CUL5: variants seen among roughly 807,000 people sequenced by gnomAD.
CUL5 encodes the protein cullin-5.
Under a neutral mutation model 108.8 loss-of-function variants are expected in CUL5, and 26 were observed. The observed-to-expected ratio is 0.24, with a 90% CI of 0.18 to 0.33. The LOEUF (loss-of-function observed/expected upper bound fraction) is 0.33. Ranked by LOEUF, CUL5 falls within the 10% of genes least tolerant of loss-of-function variation. CUL5 has a pLI of 1.00. For synonymous variants in CUL5, 334 were observed against 298.0 expected (o/e 1.12, Z -1.25); for missense variants, 524 against 909.2 (o/e 0.58, Z 5.45).
At position 108,095,917 on chromosome 11, in the gene CUL5, G is replaced by A. The variant is rs1272391545; in HGVS notation, c.1905+226G>A. The stretch of plus-strand genomic sequence containing the variant: ...TCGAGACCAGCCTAGCCAACATAGT[G>A]AAACCCCATCTCTACTAAAAATACA... On this transcript the variant is annotated intron_variant, in intron 16 of 18. Coordinates refer to ENST00000393094, the MANE Select transcript of CUL5 (RefSeq NM_003478.6). Among the ~76,000 whole-genome samples the A allele has an allele frequency of 2.0e-5, 3 of 151,540 alleles. No homozygotes were observed. The East Asian group carries it at 5.8e-4, about 30-fold the overall frequency.
intron 11 of CUL5, 34 bp downstream of exon 11, chr11:108,078,274 T>C (rs1431382682): frequency 7.7e-7 from 1 of 1,296,524 alleles, no homozygotes; most frequent in Middle Eastern, 1.9e-4. Context: ...TAAAAATACT[T>C]AAATTTTCTT....
At chr11:108,020,957 CATTTTTT>C (rs1437543980) in intron 1 of CUL5, among the ~76,000 whole-genome samples, 1 of 152,132 alleles carries the variant, frequency 6.6e-6, no homozygotes. Context: ...TTAGGTCTAC[CATTTTTT>C]ATCTTTCATA....
chr11:108,100,265 C>T (rs192160640), intron 18 of CUL5, among the ~76,000 whole-genome samples: 174 of 152,178 alleles, frequency 1.1e-3, no homozygotes, highest in Non-Finnish European at 2.0e-3. Flanking sequence ...ACTTTAGGCT[C>T]GGCGCGGTGG....
At chr11:108,070,690 C>G (rs1252756828) in intron 8 of CUL5, among the ~76,000 whole-genome samples, 2 of 151,432 alleles carry the variant, frequency 1.3e-5, no homozygotes, top group Admixed American at 1.3e-4. Flanking sequence ...ATATAACAAA[C>G]TAAAAAAAAA....
At chr11:108,063,009 C>G (rs181365997) in intron 7 of CUL5, among the ~76,000 whole-genome samples, 6 of 152,204 alleles carry the variant, frequency 3.9e-5, no homozygotes, top group Admixed American at 3.9e-4. Flanking sequence ...CCACGCCCGG[C>G]TAATTTTGTA....
At chr11:108,073,269 TA>T (rs1863868553) in intron 9 of CUL5, 120 bp from the exon 10 acceptor site, 1 of 583,098 alleles carries the variant, frequency 1.7e-6, no homozygotes, top group African/African-American at 1.9e-5. Context: ...CTTTTAGTTT[TA>T]TTTTTAAGAA....
At chr11:108,041,646 A>G (rs1862917502) in intron 2 of CUL5, among the ~76,000 whole-genome samples, 1 of 151,596 alleles carries the variant, frequency 6.6e-6, no homozygotes, top group South Asian at 2.1e-4. Flanking sequence ...GCTGGAGTGC[A>G]GTAGCGTGAT....
intron 7 of CUL5, among the ~76,000 whole-genome samples, chr11:108,066,910 T>C (rs1186614075): frequency 6.6e-6 from 1 of 152,250 alleles, no homozygotes; most frequent in East Asian, 1.9e-4. Flanking sequence ...CCAACTGGAT[T>C]GTAAGATCAT....
intron 8 of CUL5, 125 bp from the exon 9 acceptor site, chr11:108,072,207 G>C (rs1863842944): frequency 2.7e-6 from 2 of 732,304 alleles, no homozygotes; most frequent in South Asian, 6.0e-5. Context: ...ACAAAAAAAC[G>C]AACAACTACT....
chr11:108,020,592 G>A (rs759798315), intron 1 of CUL5, among the ~76,000 whole-genome samples: 44 of 151,234 alleles, frequency 2.9e-4, no homozygotes, highest in Admixed American at 9.9e-4. Context: ...ACGTTGCCCA[G>A]GCTGGTCTCA....
At chr11:108,060,922 C>T (rs1240108956) in intron 7 of CUL5, among the ~76,000 whole-genome samples, 1 of 151,838 alleles carries the variant, frequency 6.6e-6, no homozygotes, top group Non-Finnish European at 1.5e-5. Context: ...TCAACAGGTA[C>T]TTATTGGAGT....
At chr11:108,080,956 ATTTATTTATT>A (rs1371166109) in intron 11 of CUL5, among the ~76,000 whole-genome samples, 1 of 10,660 alleles carries the variant, frequency 9.4e-5, no homozygotes, top group Non-Finnish European at 3.6e-4. Flanking sequence ...ATTTATCATT[ATTTATTTATT>A]TATTTATTTA....
chr11:108,097,638 T>A lies in CUL5; in HGVS notation c.1908T>A (p.Ser636=). ...TGTTTTCTCCTTATTCTTCATAGTC[T>A]TTAGTAGCTTTCCCAAAACTCAAAC... ...PDAELRRTLW[S]LVAFPKLKRQ... is the part of the protein sequence containing the mutation. Residue 636 remains serine, a splice_region_variant and synonymous_variant, in exon 17 of 19, where the codon TCT becomes TCA. Coordinates refer to ENST00000393094, the MANE Select transcript of CUL5 (RefSeq NM_003478.6). 1 of 1,586,218 alleles carries A rather than the reference T, an allele frequency of 6.3e-7. No homozygotes were observed. Among genetic ancestry groups the A allele is most frequent in the Non-Finnish European group, 8.7e-7 (1 of 1,154,966 alleles).
intron 1 of CUL5, among the ~76,000 whole-genome samples, chr11:108,030,427 C>T (rs1230548736): frequency 6.6e-6 from 1 of 152,104 alleles, no homozygotes; most frequent in Admixed American, 6.6e-5. Context: ...CACCTGAGGT[C>T]GGGAGTTTGA....
intron 11 of CUL5, among the ~76,000 whole-genome samples, chr11:108,083,799 G>A (rs1213314102): frequency 6.6e-6 from 1 of 152,168 alleles, no homozygotes; most frequent in Non-Finnish European, 1.5e-5. Context: ...TTTCTGTGGA[G>A]TAGAGTAAGT....
At chr11:108,021,336 T>A (rs1420612311) in intron 1 of CUL5, among the ~76,000 whole-genome samples, 1 of 152,188 alleles carries the variant, frequency 6.6e-6, no homozygotes, top group Non-Finnish European at 1.5e-5. Context: ...GATAAAAAAA[T>A]TGCCATTAAT....
At chr11:108,076,919 G>A (rs189318012) in intron 10 of CUL5, among the ~76,000 whole-genome samples, 1 of 152,342 alleles carries the variant, frequency 6.6e-6, no homozygotes, top group Admixed American at 6.5e-5. Context: ...AGAGATGGTT[G>A]CAGAGAGATC....
chr11:108,058,617 T>G (rs1439620617), intron 7 of CUL5, among the ~76,000 whole-genome samples: 2 of 151,884 alleles, frequency 1.3e-5, no homozygotes, highest in African/African-American at 2.4e-5. Flanking sequence ...TGGTAATGCT[T>G]CTCCTGCTGC....
chr11:108,070,089 A>G lies in CUL5; in HGVS notation c.781-7A>G, dbSNP rs1260456829. 3.8e-6 allele frequency: 6 copies of G among 1,599,476 alleles called. No individual in the cohort carries two copies. In the East Asian group the frequency reaches 6.7e-5, roughly 18 times the overall value. On this transcript the variant is annotated splice_polypyrimidine_tract_variant and splice_region_variant and intron_variant, in intron 7 of 18. Transcript: ENST00000393094. ...AGTAGCCTTGACTAATTTTTGATAT[A>G]TTTCAGCTCATGGAATGCTGTGTAA...
Sources: allele counts gnomAD v4.1 joint callset (sites outside exome capture counted in the v4.1 genomes callset), GRCh38; gene constraint gnomAD v4.1.1; transcripts MANE v1.5; gene names NCBI Gene and HGNC (gene_info 2026-07-23, HGNC 2026-07-21).